The following NBPF3 variants were observed in gnomAD, a reference collection of about 807,000 sequenced individuals.
NBPF3 encodes the protein NBPF family member NBPF3.
A neutral mutation model predicts 78.1 loss-of-function variants in NBPF3; 57 were observed. The ratio of observed to expected loss-of-function variants is 0.73; its 90% CI spans 0.59 to 0.91. The LOEUF is 0.91. NBPF3 is among the 40% of genes least tolerant of loss of function. The probability of loss-of-function intolerance (pLI) is 0.00; values close to 1 mark genes in which losing one functional copy is unlikely to be tolerated. For missense variants in NBPF3, 510 were observed against 715.3 expected, an observed-to-expected ratio of 0.71 and a Z score of 3.27; for synonymous variants, 182 against 271.7, an observed-to-expected ratio of 0.67 and a Z score of 3.25.
Position 21,471,719 on chromosome 1 carries a change from C to T in NBPF3, c.597C>T (p.Asp199=). The change falls in exon 5 of 15, where the codon GAC becomes GAT. Residue 199 remains aspartate (D), a synonymous_variant. Transcript: ENST00000318249. ...AGCCGGACAACTCCCAGGGACGGGA[C>T]CTCCGAGAACAGCTGGCTGAGGGAT... ...PDEPDNSQGR[D]LREQLAEGCR... 1 of 1,613,568 alleles carries T rather than the reference C, an allele frequency of 6.2e-7. No individual in the cohort carries two copies. Among genetic ancestry groups the T allele is most frequent in the South Asian group, 1.1e-5 (1 of 91,044 alleles).
intron 8 of NBPF3, 88 bp downstream of exon 8, chr1:21,475,039 C>A: frequency 1.8e-6 from 2 of 1,135,680 alleles, no homozygotes; most frequent in Non-Finnish European, 2.6e-6. Context: ...ATGAATAGAA[C>A]TTTTTATTCC....
chr1:21,440,553 C>A (rs1640574855), intron 1 of NBPF3, among the ~76,000 whole-genome samples: 1 of 152,148 alleles, frequency 6.6e-6, no homozygotes, highest in African/African-American at 2.4e-5. Context: ...GCCCAGCTCT[C>A]GTGGGCGCTG....
chr1:21,478,855 T>C (rs1039172333), intron 9 of NBPF3, among the ~76,000 whole-genome samples: 2 of 152,222 alleles, frequency 1.3e-5, no homozygotes, highest in African/African-American at 4.8e-5. Flanking sequence ...GTTTTCTAGA[T>C]AAATGGCTGA....
chr1:21,438,113 C>T (rs907459651), upstream of NBPF3, among the ~76,000 whole-genome samples: 2 of 150,832 alleles, frequency 1.3e-5, no homozygotes, highest in Admixed American at 6.6e-5. Flanking sequence ...AGCCACCATG[C>T]CTGGGCTATT....
chr1:21,478,060 TC>T, intron 8 of NBPF3, 83 bp from the exon 9 acceptor site: 1 of 1,611,298 alleles, frequency 6.2e-7, no homozygotes, highest in Non-Finnish European at 8.5e-7. Flanking sequence ...CCATTCTGTC[TC>T]CCATCAGATC....
rs1640542439 is a variant in NBPF3, at chr1:21,440,247, T to C, written c.-241T>C. The C allele has an allele frequency of 6.7e-6, 1 of 148,722 alleles. No individual in the cohort carries two copies. The highest frequency in any genetic ancestry group is 2.1e-4 in the South Asian group (1 of 4,820). The allele number at this position is 148,722 out of a possible 1,614,324, so 9.2% of individuals were successfully genotyped here. A position where few individuals can be genotyped will look rare whatever the true frequency, so the allele number is the denominator to read the frequency against. The stretch of plus-strand genomic sequence containing the variant: ...CGCGGTGCTTTTGGGAACGCGGGAC[T>C]GGCAACCTGCGGCGCCAGGAGCTGG... On this transcript the variant is annotated 5_prime_UTR_variant, in exon 1 of 15. Transcript: ENST00000318249.
chr1:21,479,820 C>CTCTCTCTGTGTG (rs766796014), intron 10 of NBPF3, among the ~76,000 whole-genome samples: 1 of 102,808 alleles, frequency 9.7e-6, no homozygotes, highest in African/African-American at 3.4e-5. Flanking sequence ...CTCTCTCTCT[C>CTCTCTCTGTGTG]TGTGTGTGTG....
chr1:21,476,367 T>C lies in NBPF3; in HGVS notation c.992+1416T>C, dbSNP rs759125823. 1.1e-4 allele frequency among the ~76,000 whole-genome samples: 17 copies of C among 152,232 alleles called. No individual in the cohort carries two copies. Among genetic ancestry groups the C allele is most frequent in the Non-Finnish European group, 2.1e-4 (14 of 68,034 alleles). On this transcript the variant is annotated intron_variant, in intron 8 of 14. Transcript: ENST00000318249. The surrounding 1 kb of genome is among the most constrained non-coding windows in gnomAD (Gnocchi z 4.1). ...TAGTTGATGCACTTTCTTCCTAGCATTGATGGTCTTTACAATTTGGCACGT... is the reference window on the plus strand; with the variant it reads ...TAGTTGATGCACTTTCTTCCTAGCACTGATGGTCTTTACAATTTGGCACGT...
chr1:21,437,514 C>T, upstream of NBPF3: 1 of 1,432,578 alleles, frequency 7.0e-7, no homozygotes. Flanking sequence ...CTGCGGAGAG[C>T]CAAGAAGCTC....
Position 21,478,234 on chromosome 1 carries a change from C to T in NBPF3, c.1083C>T (p.Ala361=), listed in dbSNP as rs778116192. ...TCTCAATTCCTCCTGACATGTCTGC[C>T]TCATACCAGTCTGACAGGAGCACCT... The part of the protein sequence containing the change: ...WTLSIPPDMS[A]SYQSDRSTFH... The change falls in exon 9 of 15, where the codon GCC becomes GCT. Residue 361 remains alanine (A), a synonymous_variant. Coordinates refer to ENST00000318249, the MANE Select transcript of NBPF3 (RefSeq NM_032264.6). 1 of 1,614,152 alleles carries T rather than the reference C, an allele frequency of 6.2e-7. No individual in the cohort carries two copies. Among genetic ancestry groups the T allele is most frequent in the Admixed American group, 1.7e-5 (1 of 60,026 alleles).
rs115222430 is a variant in NBPF3, at chr1:21,472,494, A to G, written c.662-349A>G. 3.5e-3 allele frequency among the ~76,000 whole-genome samples: 531 copies of G among 152,330 alleles called. 2 individuals are homozygous for G. Among genetic ancestry groups the G allele is most frequent in the African/African-American group, 0.012 (493 of 41,566 alleles). On this transcript the variant is annotated intron_variant, in intron 5 of 14. Coordinates refer to ENST00000318249, the MANE Select transcript of NBPF3 (RefSeq NM_032264.6). ...CCTAAGAGAAAGAATTAGGTTTGAA[A>G]TGTGAACTGTGACAGGACACCAAGC...
intron 9 of NBPF3, among the ~76,000 whole-genome samples, chr1:21,479,093 G>C (rs1377992185): frequency 6.6e-6 from 1 of 152,244 alleles, no homozygotes; most frequent in Non-Finnish European, 1.5e-5. Context: ...TTGCTCATTT[G>C]TGTACACAAA....
At chr1:21,473,927 T>C (rs1169704036) in intron 7 of NBPF3, among the ~76,000 whole-genome samples, 5 of 152,232 alleles carry the variant, frequency 3.3e-5, no homozygotes, top group African/African-American at 9.6e-5. Flanking sequence ...GAAATTTCTC[T>C]GCCTTTTTAA....
At chr1:21,462,033 T>G (rs1304514579) in intron 2 of NBPF3, among the ~76,000 whole-genome samples, 1 of 151,944 alleles carries the variant, frequency 6.6e-6, no homozygotes, top group Non-Finnish European at 1.5e-5. Context: ...TTCCTTGCTC[T>G]CTTTTGCTTC....
At chr1:21,462,225 C>A (rs936583970) in intron 2 of NBPF3, among the ~76,000 whole-genome samples, 1 of 152,202 alleles carries the variant, frequency 6.6e-6, no homozygotes, top group African/African-American at 2.4e-5. Flanking sequence ...TATTCCTTTC[C>A]AGCAACACAA....
intron 2 of NBPF3, among the ~76,000 whole-genome samples, chr1:21,445,629 C>T (rs550395174): frequency 1.3e-5 from 2 of 152,084 alleles, no homozygotes; most frequent in East Asian, 1.9e-4. Flanking sequence ...ACCTGCATCC[C>T]CCAGGCTAAG....
chr1:21,443,380 T>G (rs1226809963), intron 1 of NBPF3, among the ~76,000 whole-genome samples: 2 of 152,214 alleles, frequency 1.3e-5, no homozygotes, highest in African/African-American at 4.8e-5. Flanking sequence ...TTAGATGTTA[T>G]TTGAGCCTCA....
chr1:21,479,295 G>T lies in NBPF3; in HGVS notation c.1157-54G>T. The stretch of plus-strand genomic sequence containing the variant: ...TAGGATTGGACAGAGGAATGTTTCC[G>T]TGTGCAAGGAAGAACTGCTTCATGT... On this transcript the variant is annotated intron_variant, in intron 9 of 14. Transcript: ENST00000318249. The T allele has an allele frequency of 3.2e-6, 5 of 1,557,354 alleles. No individual in the cohort carries two copies. In the South Asian group the frequency reaches 5.5e-5, roughly 17 times the overall value.
intron 2 of NBPF3, among the ~76,000 whole-genome samples, chr1:21,446,877 C>T (rs1641019292): frequency 6.6e-6 from 1 of 152,038 alleles, no homozygotes; most frequent in African/African-American, 2.4e-5. Flanking sequence ...CTCTCCTTAC[C>T]AGAAACCTGC....
Sources: allele counts gnomAD v4.1 joint callset (sites outside exome capture counted in the v4.1 genomes callset), GRCh38; gene constraint gnomAD v4.1.1; non-coding constraint Gnocchi (gnomAD v3.1); transcripts MANE v1.5; gene names NCBI Gene and HGNC (gene_info 2026-07-23, HGNC 2026-07-21).